The following RBMS2 variants were observed in gnomAD, a reference collection of about 807,000 sequenced individuals.
RBMS2 encodes the protein RNA binding motif single stranded interacting protein 2.
In RBMS2, 38 loss-of-function variants were observed where a neutral mutation model predicts 58.4. The observed-to-expected ratio is 0.65, with a 90% CI of 0.50 to 0.85. The LOEUF (loss-of-function observed/expected upper bound fraction) is 0.85. RBMS2 is among the 40% of genes least tolerant of loss of function. The probability of loss-of-function intolerance (pLI) is 0.00; values close to 1 mark genes in which losing one functional copy is unlikely to be tolerated. For synonymous variants in RBMS2, 151 were observed against 180.7 expected, an observed-to-expected ratio of 0.84 and a Z score of 1.32; for missense variants, 367 against 503.7, an observed-to-expected ratio of 0.73 and a Z score of 2.60.
rs375787880 is a variant in RBMS2, at chr12:56,579,720, G to A, written c.543-1464G>A. Reference sequence around the variant, plus strand: ...AAATGTGAGTCTTACTTTAAATATGGGGAAATAGATTAAATATACTGAGTT... The same window carrying A: ...AAATGTGAGTCTTACTTTAAATATGAGGAAATAGATTAAATATACTGAGTT... On this transcript the variant is annotated intron_variant, in intron 5 of 13. Coordinates refer to ENST00000262031, the MANE Select transcript of RBMS2 (RefSeq NM_002898.4). Among the ~76,000 whole-genome samples the A allele has an allele frequency of 7.2e-5, 11 of 152,170 alleles. No individual in the cohort carries two copies. In the East Asian group the frequency reaches 1.3e-3, roughly 19 times the overall value.
intron 1 of RBMS2, among the ~76,000 whole-genome samples, chr12:56,534,723 C>G (rs1259331858): frequency 6.6e-6 from 1 of 152,132 alleles, no homozygotes; most frequent in Non-Finnish European, 1.5e-5. Context: ...CTCACTGCAA[C>G]CTCCGCCTCC....
intron 11 of RBMS2, 61 bp from the exon 12 acceptor site, chr12:56,588,233 C>A (rs1299812176): frequency 1.5e-6 from 2 of 1,347,952 alleles, no homozygotes; most frequent in East Asian, 4.6e-5. Context: ...TAAAGCCCCT[C>A]AGCTGCTTCA....
intron 5 of RBMS2, among the ~76,000 whole-genome samples, chr12:56,575,015 G>T (rs964033302): frequency 2.0e-5 from 3 of 152,006 alleles, no homozygotes; most frequent in Non-Finnish European, 4.4e-5. Context: ...GGGCGTGGTG[G>T]CGGGCGCCTG....
At chr12:56,584,646 A>G (rs947153832) in intron 9 of RBMS2, among the ~76,000 whole-genome samples, 5 of 151,508 alleles carry the variant, frequency 3.3e-5, no homozygotes, top group South Asian at 2.1e-4. Context: ...TTAGCCGGGC[A>G]TGGTGGTGGG....
chr12:56,547,049 T>C (rs1300128340), intron 1 of RBMS2, among the ~76,000 whole-genome samples: 1 of 152,102 alleles, frequency 6.6e-6, no homozygotes, highest in Non-Finnish European at 1.5e-5. Context: ...TGGCTTTCCA[T>C]TAAAAGTTTA....
rs906883034 is a variant in RBMS2, at chr12:56,572,949, T to G, written c.542+1094T>G. 4.1e-6 allele frequency: 4 copies of G among 984,228 alleles called. No homozygotes were observed. In the South Asian group the frequency reaches 1.4e-4, roughly 35 times the overall value. The allele number at this position is 984,228 out of a possible 1,614,324, so 61.0% of individuals were successfully genotyped here. On this transcript the variant is annotated intron_variant, in intron 5 of 13. Transcript: ENST00000262031. ...TTCCCAGGTGCCCTTCTTTGGGCTT[T>G]GGTATCTGCCCTCACTGTCGTAGGG...
At position 56,592,956 on chromosome 12, in the gene RBMS2, A is replaced by C. The variant is rs1442039823; in HGVS notation, c.*3823A>C. On this transcript the variant is annotated 3_prime_UTR_variant, in exon 14 of 14. Coordinates refer to ENST00000262031, the MANE Select transcript of RBMS2 (RefSeq NM_002898.4). ...CAAGTAGCTGGAAGTACAGGCACAT[A>C]CTACCAAGCCCAGTTCGTTATTTTA... 6.6e-6 allele frequency: 1 copy of C among 151,966 alleles called. No individual in the cohort carries two copies. Among genetic ancestry groups the C allele is most frequent in the Non-Finnish European group, 1.5e-5 (1 of 68,046 alleles). 9.4% of individuals were successfully genotyped at this position (151,966 alleles called of 1,614,324 possible). A position where few individuals can be genotyped will look rare whatever the true frequency, so the allele number is the denominator to read the frequency against.
intron 12 of RBMS2, 100 bp downstream of exon 12, chr12:56,588,474 T>C: frequency 9.0e-7 from 1 of 1,107,084 alleles, no homozygotes; most frequent in Non-Finnish European, 1.4e-6. Context: ...GCTGATTCTG[T>C]GTTCACAAAT....
At chr12:56,541,699 C>G (rs1405867960) in intron 1 of RBMS2, among the ~76,000 whole-genome samples, 1 of 152,162 alleles carries the variant, frequency 6.6e-6, no homozygotes, top group Non-Finnish European at 1.5e-5. Flanking sequence ...AAAAACCAAA[C>G]AAAAACCTAT....
chr12:56,548,522 G>T (rs1426188300), intron 1 of RBMS2, among the ~76,000 whole-genome samples: 2 of 152,058 alleles, frequency 1.3e-5, no homozygotes, highest in African/African-American at 4.8e-5. Context: ...ATTATTATGG[G>T]GTCTGTTACT....
Position 56,591,602 on chromosome 12 carries a change from C to A in RBMS2, c.*2469C>A, listed in dbSNP as rs1592527796. The A allele has an allele frequency of 6.6e-6, 1 of 151,976 alleles. No homozygotes were observed. The highest frequency in any genetic ancestry group is 1.5e-5 in the Non-Finnish European group (1 of 67,996). The allele number at this position is 151,976 out of a possible 1,614,324, so 9.4% of individuals were successfully genotyped here. A position where few individuals can be genotyped will look rare whatever the true frequency, so the allele number is the denominator to read the frequency against. On this transcript the variant is annotated 3_prime_UTR_variant, in exon 14 of 14. Coordinates refer to ENST00000262031, the MANE Select transcript of RBMS2 (RefSeq NM_002898.4). Reference sequence around the variant, plus strand: ...CCATAGCTGCTTTCTTGTCAGTGGCCTTTGAGAGAAAGAGAAAACAAATCT... The same window carrying A: ...CCATAGCTGCTTTCTTGTCAGTGGCATTTGAGAGAAAGAGAAAACAAATCT...
chr12:56,585,760 T>C (rs572722403), intron 9 of RBMS2, among the ~76,000 whole-genome samples: 2 of 152,360 alleles, frequency 1.3e-5, no homozygotes, highest in East Asian at 3.9e-4. Context: ...AGGAGTGGAA[T>C]TGCTGGGCTA....
rs565431712 is a variant in RBMS2 at position 56,528,708 on chromosome 12, G to A, written c.66+6619G>A. 5.3e-5 allele frequency among the ~76,000 whole-genome samples: 8 copies of A among 152,150 alleles called. No individual in the cohort carries two copies. In the South Asian group the frequency reaches 1.5e-3, roughly 28 times the overall value. On this transcript the variant is annotated intron_variant, in intron 1 of 13. Transcript: ENST00000262031. The stretch of plus-strand genomic sequence containing the variant: ...AAAGGACAAATATCTCCTCGGCACC[G>A]TGTTGCCCAGGAGTTAGAGACCAGC...
chr12:56,570,798 C>T (rs1036117258), intron 4 of RBMS2, among the ~76,000 whole-genome samples: 10 of 152,108 alleles, frequency 6.6e-5, no homozygotes, highest in African/African-American at 2.4e-4. Flanking sequence ...AGGATGGTCT[C>T]GATCTCCTGA....
chr12:56,584,513 C>T (rs918676833), intron 9 of RBMS2, among the ~76,000 whole-genome samples: 10 of 151,232 alleles, frequency 6.6e-5, no homozygotes, highest in South Asian at 2.1e-4. Context: ...AGGCCAGGCA[C>T]GGTGGCTCAC....
At chr12:56,544,754 A>ATTTTTTTTTTTTTTTTTTTTTTTTTTTT (rs537510847) in intron 1 of RBMS2, among the ~76,000 whole-genome samples, 2 of 116,076 alleles carry the variant, frequency 1.7e-5, no homozygotes, top group African/African-American at 3.1e-5. Flanking sequence ...CTAATTTTTA[A>ATTTTTTTTTTTTTTTTTTTTTTTTTTTT]TTTTTTTTTT....
At position 56,589,431 on chromosome 12, in the gene RBMS2, C is replaced by A; in HGVS notation, c.*298C>A. On this transcript the variant is annotated 3_prime_UTR_variant, in exon 14 of 14. Coordinates refer to ENST00000262031, the MANE Select transcript of RBMS2 (RefSeq NM_002898.4). ...GAAAGCTTTTTGTTTTTAACTGCAA[C>A]GTACTTTTCCCCTACCTTGAAGAGA... 1 of 592,146 alleles carries A rather than the reference C, an allele frequency of 1.7e-6. No homozygotes were observed. The highest frequency in any genetic ancestry group is 2.4e-6 in the Non-Finnish European group (1 of 422,894). The allele number at this position is 592,146 out of a possible 1,614,324, so 36.7% of individuals were successfully genotyped here.
intron 1 of RBMS2, among the ~76,000 whole-genome samples, chr12:56,549,124 G>A (rs532052804): frequency 3.3e-5 from 5 of 151,902 alleles, no homozygotes; most frequent in Admixed American, 1.3e-4. Context: ...TCAGCCTCCC[G>A]AGTAGCTGGG....
Position 56,588,381 on chromosome 12 carries a change from G to C in RBMS2, c.1143+7G>C, listed in dbSNP as rs190241734. ...TTCCAGTGTTTCAGTCGAGGTAAGGGTGTTATCATTTCTTTGGATTGAGAT... is the reference window on the plus strand; with the variant it reads ...TTCCAGTGTTTCAGTCGAGGTAAGGCTGTTATCATTTCTTTGGATTGAGAT... On this transcript the variant is annotated splice_region_variant and intron_variant, in intron 12 of 13. Coordinates refer to ENST00000262031, the MANE Select transcript of RBMS2 (RefSeq NM_002898.4). 2.0e-4 allele frequency: 315 copies of C among 1,606,266 alleles called. 2 individuals carry two copies. The East Asian group carries it at 7.0e-3, about 35-fold the overall frequency.
Sources: gnomAD v4.1 joint callset for allele counts (sites outside exome capture counted in the v4.1 genomes callset) on GRCh38, gnomAD v4.1.1 for gene constraint, MANE v1.5 for transcripts, NCBI Gene and HGNC (gene_info 2026-07-23, HGNC 2026-07-21) for gene names.